Variants in BLOC1S6 observed in about 807,000 individuals in gnomAD.
The protein encoded by BLOC1S6 is biogenesis of lysosome-related organelles complex 1 subunit 6.
A neutral mutation model predicts 24.7 loss-of-function variants in BLOC1S6; 24 were observed. The ratio of observed to expected loss-of-function variants is 0.97; its 90% confidence interval spans 0.70 to 1.37. The LOEUF is 1.37. BLOC1S6 is among the 40% of genes most tolerant of loss of function. The pLI is 0.00. For missense variants in BLOC1S6, 175 were observed against 196.2 expected, an observed-to-expected ratio of 0.89 and a Z score of 0.64; for synonymous variants, 76 against 72.6, an observed-to-expected ratio of 1.05 and a Z score of -0.23.
intron 3 of BLOC1S6, among the ~76,000 whole-genome samples, chr15:45,604,821 G>A (rs1416499981): frequency 6.6e-6 from 1 of 152,118 alleles, no homozygotes; most frequent in Non-Finnish European, 1.5e-5. Flanking sequence ...ATCTTCTCCT[G>A]ACATAAGACT....
chr15:45,603,706 C>A (rs1894347955), intron 3 of BLOC1S6, among the ~76,000 whole-genome samples: 1 of 152,024 alleles, frequency 6.6e-6, no homozygotes, highest in Non-Finnish European at 1.5e-5. Context: ...CAAAGGGAGA[C>A]CCTGTCTCAA....
chr15:45,594,030 C>T (rs117428810), intron 2 of BLOC1S6, among the ~76,000 whole-genome samples: 1 of 152,174 alleles, frequency 6.6e-6, no homozygotes, highest in Non-Finnish European at 1.5e-5. Context: ...AGTATTTCCT[C>T]CTCTTTTCCC....
chr15:45,594,982 A>G (rs1894016810), intron 2 of BLOC1S6, among the ~76,000 whole-genome samples: 1 of 152,130 alleles, frequency 6.6e-6, no homozygotes, highest in South Asian at 2.1e-4. Flanking sequence ...ACAGATCAGG[A>G]CAAGCCAATG....
Position 45,609,096 on chromosome 15 carries a change from A to G in BLOC1S6, c.*2582A>G, listed in dbSNP as rs1265221070. The G allele has an allele frequency of 1.3e-5, 2 of 152,234 alleles. No homozygotes were observed. The highest frequency in any genetic ancestry group is 4.8e-5 in the African/African-American group (2 of 41,470). The allele number at this position is 152,234 out of a possible 1,614,324, so 9.4% of individuals were successfully genotyped here. ...ATTAGTATCCTTTATTTTAAAGTCAATTGTAAACCAGAAGTACTGTTATTT... is the reference window on the plus strand; with the variant it reads ...ATTAGTATCCTTTATTTTAAAGTCAGTTGTAAACCAGAAGTACTGTTATTT... On this transcript the variant is annotated 3_prime_UTR_variant, in exon 5 of 5. Transcript: ENST00000220531.
At chr15:45,600,690 G>A (rs762452216) in intron 2 of BLOC1S6, among the ~76,000 whole-genome samples, 2 of 152,196 alleles carry the variant, frequency 1.3e-5, no homozygotes, top group Non-Finnish European at 2.9e-5. Context: ...TTTACACATT[G>A]TTGGATTCAA....
chr15:45,596,739 GGCGATCTCAGCTCACTGCAACCTCT>G, intron 2 of BLOC1S6, among the ~76,000 whole-genome samples: 1 of 151,658 alleles, frequency 6.6e-6, no homozygotes, highest in East Asian at 1.9e-4. Context: ...AATGCAGTGG[GGCGATCTCAGCTCACTGCAACCTCT>G]GCCTCTCAGG....
chr15:45,593,642 A>G (rs1018572853), intron 2 of BLOC1S6, among the ~76,000 whole-genome samples: 86 of 152,330 alleles, frequency 5.6e-4, no homozygotes, highest in African/African-American at 2.0e-3. Flanking sequence ...CTGGGAATCA[A>G]GTTTTAATTG....
At chr15:45,587,572 G>A (rs1397881629) in intron 1 of BLOC1S6, 47 bp downstream of exon 1, 3 of 1,511,394 alleles carry the variant, frequency 2.0e-6, no homozygotes, top group East Asian at 2.4e-5. Context: ...GGTGTGAGGG[G>A]CGGGGACCTG....
intron 4 of BLOC1S6, 39 bp from the exon 5 acceptor site, chr15:45,606,356 G>C: frequency 6.2e-7 from 1 of 1,610,726 alleles, no homozygotes. Context: ...TGTAACCCCT[G>C]ATTGCTCTCT....
chr15:45,606,359 T>A, intron 4 of BLOC1S6, 36 bp from the exon 5 acceptor site: 1 of 1,611,374 alleles, frequency 6.2e-7, no homozygotes, highest in Non-Finnish European at 8.5e-7. Context: ...AACCCCTGAT[T>A]GCTCTCTTGG....
Position 45,603,122 on chromosome 15 carries a change from G to T in BLOC1S6, c.247G>T (p.Asp83Tyr). The T allele has an allele frequency of 6.2e-7, 1 of 1,611,358 alleles. No individual in the cohort carries two copies. Among genetic ancestry groups the T allele is most frequent in the South Asian group, 1.1e-5 (1 of 90,954 alleles). ...ELTQNQVVLL[D>Y]TLEQEISKFK... ...CAGACAGAACCAAGTTGTATTGTTA[G>T]ACACACTGGAACAAGAGATTTCAAA... The change falls in exon 3 of 5, where the codon GAC becomes TAC. Residue 83 changes from aspartate (D) to tyrosine (Y), a missense_variant. Transcript: ENST00000220531.
chr15:45,594,205 T>C (rs986153753), intron 2 of BLOC1S6, among the ~76,000 whole-genome samples: 1 of 152,024 alleles, frequency 6.6e-6, no homozygotes, highest in Non-Finnish European at 1.5e-5. Flanking sequence ...TAGTGGTAGG[T>C]AGGGATTAAG....
At chr15:45,595,067 C>A (rs1401263924) in intron 2 of BLOC1S6, among the ~76,000 whole-genome samples, 1 of 151,936 alleles carries the variant, frequency 6.6e-6, no homozygotes, top group East Asian at 1.9e-4. Flanking sequence ...GAGAGGAAAC[C>A]CCCGCTGCCA....
Position 45,592,582 on chromosome 15 carries a change from A to G in BLOC1S6, c.224+306A>G, listed in dbSNP as rs914879024. On this transcript the variant is annotated intron_variant, in intron 2 of 4. Coordinates refer to ENST00000220531, the MANE Select transcript of BLOC1S6 (RefSeq NM_012388.4). ...AAGTATTGCCTATTGGGGATTGTTC[A>G]GGTGGAGATACACCTGTTTCTGAGT... Among the ~76,000 whole-genome samples, 4 of 152,316 alleles carry G rather than the reference A, an allele frequency of 2.6e-5. No homozygotes were observed. The South Asian group carries it at 6.2e-4, about 24-fold the overall frequency.
At chr15:45,602,370 A>G in intron 2 of BLOC1S6, 1 of 687,740 alleles carries the variant, frequency 1.5e-6, no homozygotes, top group Non-Finnish European at 2.6e-6. Flanking sequence ...TCTTTAAAAT[A>G]TTCAGGTAGG....
In BLOC1S6 at chr15:45,587,522, C is replaced by A. The variant is rs138284359; in HGVS notation, c.79C>A (p.Pro27Thr). Residue 27 changes from proline (P) to threonine (T), a missense_variant, in exon 1 of 5, where the codon CCT (proline) becomes ACT (threonine). Physicochemically the swap from Pro to Thr is conservative, Grantham distance 38. Coordinates refer to ENST00000220531, the MANE Select transcript of BLOC1S6 (RefSeq NM_012388.4). ...CTGCCTGGAGGCCGGGGAGCCGACGCCTGGTACGTACTATCGGGTGGGAAG... is the reference window on the plus strand; with the variant it reads ...CTGCCTGGAGGCCGGGGAGCCGACGACTGGTACGTACTATCGGGTGGGAAG... The part of the protein sequence containing the change: ...PYCLEAGEPT[P>T]GLSDTSPDEG... The A allele has an allele frequency of 6.4e-7, 1 of 1,572,772 alleles. No individual in the cohort carries two copies. Among genetic ancestry groups the A allele is most frequent in the Non-Finnish European group, 8.6e-7 (1 of 1,159,840 alleles).
chr15:45,602,353 G>A (rs1340186961), intron 2 of BLOC1S6: 1 of 673,062 alleles, frequency 1.5e-6, no homozygotes, highest in African/African-American at 1.8e-5. Context: ...ATTTTTCTTT[G>A]TAGCATTCTT....
chr15:45,588,537 A>C (rs1893771820), intron 1 of BLOC1S6, among the ~76,000 whole-genome samples: 1 of 152,010 alleles, frequency 6.6e-6, no homozygotes, highest in Non-Finnish European at 1.5e-5. Context: ...ATACAATTCC[A>C]TCTCCTTGTA....
chr15:45,591,728 T>C (rs760585664), intron 1 of BLOC1S6, among the ~76,000 whole-genome samples: 5 of 152,230 alleles, frequency 3.3e-5, no homozygotes, highest in Non-Finnish European at 7.3e-5. Context: ...CCCTGAAAAA[T>C]ATATAAAGAT....
Sources: gnomAD v4.1 joint callset for allele counts (sites outside exome capture counted in the v4.1 genomes callset) on GRCh38, gnomAD v4.1.1 for gene constraint, MANE v1.5 for transcripts, NCBI Gene and HGNC (gene_info 2026-07-23, HGNC 2026-07-21) for gene names.